The following PCDHA8 variants were observed in gnomAD, a reference collection of about 807,000 sequenced individuals.
The protein encoded by PCDHA8 is protocadherin alpha-8.
PCDHA8 carries 53 observed loss-of-function variants against 61.8 expected under a neutral mutation model. The ratio of observed to expected loss-of-function variants is 0.86; its 90% CI spans 0.69 to 1.08. PCDHA8 has a LOEUF of 1.08. Ranked by LOEUF, PCDHA8 falls within the 50% of genes least tolerant of loss-of-function variation. The probability of loss-of-function intolerance (pLI) is 0.00; values close to 1 mark genes in which losing one functional copy is unlikely to be tolerated. For synonymous variants in PCDHA8, 618 were observed against 556.6 expected (o/e 1.11, Z -1.55); for missense variants, 1,293 against 1,245.0 (o/e 1.04, Z -0.58).
At chr5:140,849,831 GC>G in intron 1 of PCDHA8, 1 of 1,598,564 alleles carries the variant, frequency 6.3e-7, no homozygotes, top group Non-Finnish European at 8.6e-7. Context: ...TGTGGAGGTG[GC>G]CGACGTGAAC....
chr5:140,877,396 G>T (rs781989521), intron 1 of PCDHA8: 43 of 1,613,834 alleles, frequency 2.7e-5, no homozygotes, highest in South Asian at 1.8e-4. Context: ...TGAGGCGGAC[G>T]CTCCGCGCCA....
At chr5:140,958,484 G>A (rs246009) in intron 1 of PCDHA8, among the ~76,000 whole-genome samples, 85,541 of 151,786 alleles carry the variant, frequency 0.56, 24,705 homozygotes, top group African/African-American at 0.69. Flanking sequence ...AGAGCACTAA[G>A]TCCACATATC....
At position 140,847,428 on chromosome 5, in the gene PCDHA8, C is replaced by T. The variant is rs1464927725; in HGVS notation, c.2394+3713C>T. ...AAACACTCACGGTTTTGCCTTTAGA[C>T]TTGAGATACACTAAAATCTAGATTT... On this transcript the variant is annotated intron_variant, in intron 1 of 3. Coordinates refer to ENST00000531613, the MANE Select transcript of PCDHA8 (RefSeq NM_018911.3). 2.7e-5 allele frequency: 4 copies of T among 149,590 alleles called. 2 individuals are homozygous for T. Among genetic ancestry groups the T allele is most frequent in the Non-Finnish European group, 6.0e-5 (4 of 66,914 alleles). The allele number at this position is 149,590 out of a possible 1,614,324, so 9.3% of individuals were successfully genotyped here.
chr5:140,967,472 G>A, intron 1 of PCDHA8: 1 of 1,613,430 alleles, frequency 6.2e-7, no homozygotes, highest in Non-Finnish European at 8.5e-7. Flanking sequence ...GGGCATCCCA[G>A]CCCGCTCGGG....
chr5:140,907,563 A>G (rs1554193054), intron 1 of PCDHA8, among the ~76,000 whole-genome samples: 1 of 152,160 alleles, frequency 6.6e-6, no homozygotes, highest in Admixed American at 6.5e-5. Context: ...AATATAATCA[A>G]CTTGCCACCA....
intron 1 of PCDHA8, chr5:140,929,266 C>T (rs1333907609): frequency 6.2e-7 from 1 of 1,611,352 alleles, no homozygotes; most frequent in Middle Eastern, 1.7e-4. Flanking sequence ...ACTGAATTTG[C>T]CAATATCCTG....
At chr5:140,995,452 G>C (rs1400573812) in intron 3 of PCDHA8, among the ~76,000 whole-genome samples, 1 of 152,098 alleles carries the variant, frequency 6.6e-6, no homozygotes, top group African/African-American at 2.4e-5. Context: ...CTTATGAATT[G>C]TTTATTTTTG....
chr5:140,881,012 G>C (rs1445864276), intron 1 of PCDHA8, among the ~76,000 whole-genome samples: 2 of 152,202 alleles, frequency 1.3e-5, no homozygotes, highest in Admixed American at 1.3e-4. Flanking sequence ...CAGAGCTATG[G>C]AAATAAACCC....
In PCDHA8 at chr5:140,842,803, T is replaced by A; in HGVS notation, c.1482T>A (p.Leu494=). The A allele has an allele frequency of 1.3e-6, 2 of 1,594,132 alleles. No individual in the cohort carries two copies. Among genetic ancestry groups the A allele is most frequent in the Non-Finnish European group, 8.6e-7 (1 of 1,165,376 alleles). The change falls in exon 1 of 4, where the codon CTT becomes CTA. Residue 494 remains leucine, a synonymous_variant. Transcript: ENST00000531613. ...AQENALVSYS[L]VERRVGERSL... Reference sequence around the variant, plus strand: ...AGAACGCGCTGGTGTCCTACTCGCTTGTGGAGCGGCGGGTGGGCGAGCGCT... The same window carrying A: ...AGAACGCGCTGGTGTCCTACTCGCTAGTGGAGCGGCGGGTGGGCGAGCGCT...
chr5:140,941,191 T>TTTTTTTCTTTC (rs1554213809), intron 1 of PCDHA8, among the ~76,000 whole-genome samples: 6 of 93,206 alleles, frequency 6.4e-5, no homozygotes, highest in Admixed American at 2.5e-4. Context: ...GCTTCTTTTT[T>TTTTTTTCTTTC]TTTCTTTCTT....
intron 1 of PCDHA8, chr5:140,876,915 C>G: frequency 6.2e-7 from 1 of 1,613,966 alleles, no homozygotes; most frequent in East Asian, 2.2e-5. Flanking sequence ...CGGCATGGGA[C>G]GCGGACGCGC....
chr5:140,958,242 T>A (rs1375619471), intron 1 of PCDHA8, among the ~76,000 whole-genome samples: 1 of 152,120 alleles, frequency 6.6e-6, no homozygotes, highest in Non-Finnish European at 1.5e-5. Context: ...TTTTTAACAA[T>A]TCTGAACAAA....
Position 140,847,952 on chromosome 5 carries a change from A to T in PCDHA8, c.2394+4237A>T, listed in dbSNP as rs185156520. The T allele has an allele frequency of 1.9e-3, 295 of 152,428 alleles. 32 individuals are homozygous for T. Among genetic ancestry groups the T allele is most frequent in the Non-Finnish European group, 3.3e-3 (228 of 68,582 alleles). 9.4% of individuals were successfully genotyped at this position (152,428 alleles called of 1,614,324 possible). A position where few individuals can be genotyped will look rare whatever the true frequency, so the allele number is the denominator to read the frequency against. On this transcript the variant is annotated intron_variant, in intron 1 of 3. Coordinates refer to ENST00000531613, the MANE Select transcript of PCDHA8 (RefSeq NM_018911.3). ...ATTGCAACTCCTGGATTTCTCTTAC[A>T]CTAGAATCCTATTTCGAGCCATATG...
chr5:140,997,559 T>C (rs550494855), intron 3 of PCDHA8, among the ~76,000 whole-genome samples: 9 of 152,148 alleles, frequency 5.9e-5, no homozygotes, highest in Non-Finnish European at 1.3e-4. Context: ...ACAGGACAAC[T>C]GTCATATGTG....
intron 1 of PCDHA8, among the ~76,000 whole-genome samples, chr5:140,938,387 A>G (rs2092042874): frequency 6.6e-6 from 1 of 152,220 alleles, no homozygotes. Flanking sequence ...AATATTTAAT[A>G]TGAAATACAT....
chr5:140,968,267 A>G, intron 1 of PCDHA8: 1 of 1,613,984 alleles, frequency 6.2e-7, no homozygotes, highest in Non-Finnish European at 8.5e-7. Flanking sequence ...TGAAAAGGAG[A>G]ATGCAGAGGT....
In PCDHA8 at chr5:140,879,783, G is replaced by C. The variant is rs182330190; in HGVS notation, c.2394+36068G>C. Among the ~76,000 whole-genome samples, 12 of 152,280 alleles carry C rather than the reference G, an allele frequency of 7.9e-5. No homozygotes were observed. In the East Asian group the frequency reaches 2.3e-3, roughly 29 times the overall value. ...TTTGGAGGCCCCAGGGAAGAATCTGGTTTTTGTTTCTTCCAGTTTCTATTG... is the reference window on the plus strand; with the variant it reads ...TTTGGAGGCCCCAGGGAAGAATCTGCTTTTTGTTTCTTCCAGTTTCTATTG... On this transcript the variant is annotated intron_variant, in intron 1 of 3. Coordinates refer to ENST00000531613, the MANE Select transcript of PCDHA8 (RefSeq NM_018911.3).
chr5:140,980,628 CAGA>C (rs1554242055), intron 2 of PCDHA8, among the ~76,000 whole-genome samples: 1 of 150,868 alleles, frequency 6.6e-6, no homozygotes, highest in Non-Finnish European at 1.5e-5. Flanking sequence ...GACTCTGTCT[CAGA>C]AGAATAAATA....
chr5:140,855,663 AC>A (rs1363800553), intron 1 of PCDHA8, among the ~76,000 whole-genome samples: 7 of 149,864 alleles, frequency 4.7e-5, no homozygotes, highest in Non-Finnish European at 1.0e-4. Flanking sequence ...GGAAGAAATC[AC>A]TACTCTGAGA....
Sources: allele counts gnomAD v4.1 joint callset (sites outside exome capture counted in the v4.1 genomes callset), GRCh38; gene constraint gnomAD v4.1.1; transcripts MANE v1.5; gene names NCBI Gene and HGNC (gene_info 2026-07-23, HGNC 2026-07-21).